Variants in ARID1A observed in about 807,000 individuals in gnomAD.
The protein encoded by ARID1A is AT-rich interactive domain-containing protein 1A.
Under a neutral mutation model 212.6 loss-of-function variants are expected in ARID1A, and 20 were observed. That is an observed-to-expected ratio of 0.09 (90% CI 0.07 to 0.14). ARID1A has a LOEUF of 0.14. Among genes scored for constraint, ARID1A ranks in the 10% least tolerant of loss-of-function variants. ARID1A has a pLI of 1.00. For missense variants in ARID1A, 2,587 were observed against 3,059.0 expected (o/e 0.85, Z 3.64); for synonymous variants, 1,376 against 1,222.1 (o/e 1.13, Z -2.63).
chr1:26,731,716 C>G, intron 3 of ARID1A, 112 bp downstream of exon 3: 1 of 1,165,272 alleles, frequency 8.6e-7, no homozygotes, highest in Non-Finnish European at 1.2e-6. Flanking sequence ...CACTTAAAGA[C>G]CAATTAAACT....
Position 26,698,600 on chromosome 1 carries a change from G to A in ARID1A, c.1137+1060G>A, listed in dbSNP as rs181326387. On this transcript the variant is annotated intron_variant, in intron 1 of 19. Coordinates refer to ENST00000324856, the MANE Select transcript of ARID1A (RefSeq NM_006015.6). ...TATTTTGCTTGTTATGTTTTATGCA[G>A]CCTGAAATGAATTCTGTGTTGTCAG... Among the ~76,000 whole-genome samples the A allele has an allele frequency of 1.1e-4, 17 of 152,306 alleles. No homozygotes were observed. The East Asian group carries it at 2.5e-3, about 22-fold the overall frequency.
intron 4 of ARID1A, among the ~76,000 whole-genome samples, chr1:26,745,867 C>T (rs1346704787): frequency 1.3e-5 from 2 of 152,148 alleles, no homozygotes; most frequent in East Asian, 3.8e-4. Flanking sequence ...GCCTGACCAA[C>T]ATTAAGAAAC....
chr1:26,704,658 T>C (rs202232629), intron 1 of ARID1A, among the ~76,000 whole-genome samples: 1 of 152,222 alleles, frequency 6.6e-6, no homozygotes, highest in African/African-American at 2.4e-5. Flanking sequence ...AGGACCAGCC[T>C]TGGGACCAGG....
At chr1:26,767,383 G>A (rs2081048629) in intron 10 of ARID1A, among the ~76,000 whole-genome samples, 1 of 152,200 alleles carries the variant, frequency 6.6e-6, no homozygotes, top group African/African-American at 2.4e-5. Flanking sequence ...ACCTAAGTAT[G>A]TTCAGGCTCC....
chr1:26,769,781 TGAA>T (rs1360446956), intron 11 of ARID1A: 1 of 152,202 alleles, frequency 6.6e-6, no homozygotes, highest in Non-Finnish European at 1.5e-5. Context: ...TAAGAATACA[TGAA>T]GAAGGAGACC....
chr1:26,729,899 C>G (rs1412338970), intron 2 of ARID1A, 36 bp downstream of exon 2: 1 of 1,599,304 alleles, frequency 6.3e-7, no homozygotes. Flanking sequence ...ACCCTTGTTG[C>G]TGTCCAAAAT....
intron 1 of ARID1A, among the ~76,000 whole-genome samples, chr1:26,703,409 C>T (rs769888902): frequency 3.3e-5 from 5 of 152,118 alleles, no homozygotes; most frequent in Non-Finnish European, 7.4e-5. Context: ...CTCAGAATGT[C>T]TTTTTTAACT....
chr1:26,708,031 A>G (rs1242093467), intron 1 of ARID1A, among the ~76,000 whole-genome samples: 2 of 152,200 alleles, frequency 1.3e-5, no homozygotes, highest in African/African-American at 2.4e-5. Context: ...CCATTAGTTA[A>G]CAATTTGACA....
In ARID1A at chr1:26,779,837, G is replaced by T. The variant is rs748000514; in HGVS notation, c.5939G>T (p.Arg1980Leu). The change falls in exon 20 of 20, where the codon CGC (arginine) becomes CTC (leucine). Residue 1980 changes from arginine to leucine, a missense_variant. By Grantham distance (102) the Arg-to-Leu change is moderately radical (BLOSUM62 -2). This residue lies in a region of ARID1A where 168 missense variants were observed against 321.0 expected (regional missense o/e 0.52). Coordinates refer to ENST00000324856, the MANE Select transcript of ARID1A (RefSeq NM_006015.6). The stretch of plus-strand genomic sequence containing the variant: ...GACTGGCAGGATTCTCTTGCCAAGC[G>T]CTGCGTCTGTGTGTCCAATACCATT... ...LLDWQDSLAKRCVCVSNTIRS... is the reference protein window; with the variant it reads ...LLDWQDSLAKLCVCVSNTIRS... 4 of 1,614,080 alleles carry T rather than the reference G, an allele frequency of 2.5e-6. No individual in the cohort carries two copies. The highest frequency in any genetic ancestry group is 2.5e-6 in the Non-Finnish European group (3 of 1,180,034).
chr1:26,737,161 G>T (rs1407938953), intron 4 of ARID1A, among the ~76,000 whole-genome samples: 1 of 151,962 alleles, frequency 6.6e-6, no homozygotes, highest in Admixed American at 6.6e-5. Context: ...TGTCACCCAG[G>T]CTGGAGTGTA....
In ARID1A at chr1:26,732,755, T is replaced by G. The variant is rs927444249; in HGVS notation, c.1883T>G (p.Met628Arg). Residue 628 changes from methionine (M) to arginine (R), a missense_variant, in exon 4 of 20, where the codon ATG (methionine) becomes AGG (arginine). Around this residue, in one of 11 missense-constraint regions of ARID1A, gnomAD observed 674 missense variants for 813.4 expected, o/e 0.83. Coordinates refer to ENST00000324856, the MANE Select transcript of ARID1A (RefSeq NM_006015.6). ...MTSSKGGQED[M>R]NLSLQSRPSS... ...TCCAGTAAGGGAGGGCAAGAAGATA[T>G]GAACCTGAGCCTTCAGTCAAGACCC... The G allele has an allele frequency of 6.2e-7, 1 of 1,613,994 alleles. No homozygotes were observed. Among genetic ancestry groups the G allele is most frequent in the Non-Finnish European group, 8.5e-7 (1 of 1,179,980 alleles).
intron 1 of ARID1A, among the ~76,000 whole-genome samples, chr1:26,721,047 T>C (rs982502364): frequency 6.6e-6 from 1 of 152,138 alleles, no homozygotes. Flanking sequence ...CCAGATGTAC[T>C]TACTGCCTCT....
chr1:26,736,936 A>G (rs1339028413), intron 4 of ARID1A, among the ~76,000 whole-genome samples: 1 of 151,468 alleles, frequency 6.6e-6, no homozygotes, highest in Non-Finnish European at 1.5e-5. Flanking sequence ...TGCACAATAT[A>G]TAAGGCCTAC....
rs1410136655 is a variant in ARID1A, at chr1:26,779,441, G to C, written c.5543G>C (p.Gly1848Ala). 6.2e-7 allele frequency: 1 copy of C among 1,614,090 alleles called. No homozygotes were observed. The highest frequency in any genetic ancestry group is 8.5e-7 in the Non-Finnish European group (1 of 1,180,018). The change falls in exon 20 of 20, where the codon GGG becomes GCG. Residue 1848 changes from glycine (G) to alanine (A), a missense_variant. Transcript: ENST00000324856. ...GGCCTGCTGCACTGGCGGATTGGTG[G>C]GGGGGACACCACTGAGCATATCCAG... ...DSGLLHWRIG[G>A]GDTTEHIQTH...
At chr1:26,763,811 C>G (rs1374249774) in intron 8 of ARID1A, among the ~76,000 whole-genome samples, 4 of 152,090 alleles carry the variant, frequency 2.6e-5, no homozygotes, top group Non-Finnish European at 4.4e-5. Flanking sequence ...TCTTTTGAGA[C>G]AGGACCCTGC....
At chr1:26,756,940 G>C (rs2080944258) in intron 4 of ARID1A, among the ~76,000 whole-genome samples, 1 of 152,014 alleles carries the variant, frequency 6.6e-6, no homozygotes, top group Non-Finnish European at 1.5e-5. Flanking sequence ...CTGACCTTGT[G>C]ATCCGCCCGC....
chr1:26,720,088 TA>T (rs1240300065), intron 1 of ARID1A, among the ~76,000 whole-genome samples: 10 of 150,704 alleles, frequency 6.6e-5, no homozygotes, highest in African/African-American at 2.2e-4. Context: ...CCGTTGCTAC[TA>T]AAAATACAAA....
chr1:26,765,129 A>C (rs1444823509), intron 8 of ARID1A: 1 of 151,968 alleles, frequency 6.6e-6, no homozygotes, highest in African/African-American at 2.4e-5. Context: ...TGGGAGGCGG[A>C]GGTTGCAGTG....
chr1:26,725,919 A>G (rs1290190928), intron 1 of ARID1A, among the ~76,000 whole-genome samples: 1 of 149,916 alleles, frequency 6.7e-6, no homozygotes, highest in Non-Finnish European at 1.5e-5. Context: ...CGGTGGCACA[A>G]TCTCCGCTCG....
Sources: allele counts gnomAD v4.1 joint callset (sites outside exome capture counted in the v4.1 genomes callset), GRCh38; gene constraint gnomAD v4.1.1; regional missense constraint gnomAD v4.1.1; transcripts MANE v1.5; gene names NCBI Gene and HGNC (gene_info 2026-07-23, HGNC 2026-07-21).